Variants in BCL3 observed in about 807,000 individuals in gnomAD.
The protein encoded by BCL3 is BCL3 transcription coactivator.
In BCL3, 15 loss-of-function variants were observed where a neutral mutation model predicts 35.7. The observed-to-expected ratio is 0.42, with a 90% confidence interval of 0.28 to 0.65. The LOEUF is 0.65. Ranked by LOEUF, BCL3 falls within the 30% of genes least tolerant of loss-of-function variation. The pLI, the probability that BCL3 is intolerant of heterozygous loss-of-function variation, is 0.22. For synonymous variants in BCL3, 311 were observed against 284.3 expected (o/e 1.09, Z -0.95); for missense variants, 565 against 641.7 (o/e 0.88, Z 1.29).
intron 3 of BCL3, among the ~76,000 whole-genome samples, chr19:44,756,707 G>A (rs1431383199): frequency 1.3e-5 from 2 of 151,614 alleles, no homozygotes; most frequent in Non-Finnish European, 2.9e-5. Flanking sequence ...TCCTGGGGAA[G>A]AAGGGCTCTG....
At chr19:44,756,121 T>G (rs1016928910) in intron 2 of BCL3, 111 bp from the exon 3 acceptor site, 1 of 691,764 alleles carries the variant, frequency 1.4e-6, no homozygotes, top group Non-Finnish European at 2.1e-6. Flanking sequence ...GTTTGAATAC[T>G]GGGGACATTT....
chr19:44,758,556 G>A, intron 7 of BCL3, 143 bp downstream of exon 7: 1 of 1,301,358 alleles, frequency 7.7e-7, no homozygotes. Flanking sequence ...AAGCGCGGGT[G>A]TGAGTTCCAG....
intron 8 of BCL3, 146 bp from the exon 9 acceptor site, chr19:44,759,282 G>C (rs1379474062): frequency 5.0e-6 from 3 of 600,556 alleles, no homozygotes; most frequent in Non-Finnish European, 8.3e-6. Context: ...TCAGACCCGG[G>C]AGTTTAAATC....
Position 44,757,797 on chromosome 19 carries a change from G to C in BCL3, c.891+74G>C. 4 of 1,423,194 alleles carry C rather than the reference G, an allele frequency of 2.8e-6. No homozygotes were observed. Among genetic ancestry groups the C allele is most frequent in the Non-Finnish European group, 2.9e-6 (3 of 1,017,580 alleles). The allele number at this position is 1,423,194 out of a possible 1,614,324, so 88.2% of individuals were successfully genotyped here. A position where few individuals can be genotyped will look rare whatever the true frequency, so the allele number is the denominator to read the frequency against. The stretch of plus-strand genomic sequence containing the variant: ...AACCCGGCTCTGGCCTCAGCCCCTA[G>C]CTCTGACCCCGCCTTCCACTTCTGG... On this transcript the variant is annotated intron_variant, in intron 6 of 8. Transcript: ENST00000164227. This position sits in a 1 kb window ranked among gnomAD's most constrained non-coding sequence, Gnocchi z 8.4.
upstream of BCL3, chr19:44,748,633 G>C (rs1453802459): frequency 5.5e-5 from 52 of 938,372 alleles, no homozygotes; most frequent in Non-Finnish European, 6.7e-5. Context: ...GGTGGCCCCG[G>C]GGGGGCCGGG....
chr19:44,750,282 C>T (rs1001346837), intron 1 of BCL3, among the ~76,000 whole-genome samples: 6 of 106,558 alleles, frequency 5.6e-5, no homozygotes, highest in Non-Finnish European at 3.6e-5. Flanking sequence ...ATGGTCCCCT[C>T]GCCTTTGTTT....
At chr19:44,756,190 C>T (rs1332090262) in intron 2 of BCL3, 42 bp from the exon 3 acceptor site, 1 of 1,338,412 alleles carries the variant, frequency 7.5e-7, no homozygotes, top group Non-Finnish European at 9.8e-7. Context: ...GAGAGGTGAA[C>T]AACCCCTAAT....
At chr19:44,748,689 C>G, upstream of BCL3, 1 of 1,045,236 alleles carries the variant, frequency 9.6e-7, no homozygotes, top group Non-Finnish European at 1.1e-6. Context: ...ACAAAAGTCC[C>G]TTCAGTTCAG....
intron 1 of BCL3, among the ~76,000 whole-genome samples, chr19:44,750,559 A>T (rs1053891372): frequency 6.6e-6 from 1 of 152,132 alleles, no homozygotes; most frequent in Non-Finnish European, 1.5e-5. Context: ...TCGGCCTCCC[A>T]AAGTATTGGT....
At chr19:44,750,799 G>C (rs1257457668) in intron 1 of BCL3, among the ~76,000 whole-genome samples, 1 of 152,028 alleles carries the variant, frequency 6.6e-6, no homozygotes, top group South Asian at 2.1e-4. Flanking sequence ...AATTTGAACA[G>C]GCTTCTGGTA....
Position 44,757,745 on chromosome 19 carries a change from C to T in BCL3, c.891+22C>T, listed in dbSNP as rs1461207602. 1.2e-6 allele frequency: 2 copies of T among 1,610,552 alleles called. No individual in the cohort carries two copies. The stretch of plus-strand genomic sequence containing the variant: ...GCAGGTGCGTACAGCCCCCCTGAGC[C>T]TCGCGCCCACCCTATCCTCTGACCC... On this transcript the variant is annotated intron_variant, in intron 6 of 8. Transcript: ENST00000164227. This position sits in a 1 kb window ranked among gnomAD's most constrained non-coding sequence, Gnocchi z 8.4.
At chr19:44,755,840 C>A (rs988232065) in intron 2 of BCL3, among the ~76,000 whole-genome samples, 1 of 152,182 alleles carries the variant, frequency 6.6e-6, no homozygotes, top group African/African-American at 2.4e-5. Flanking sequence ...ATCGCTTGAA[C>A]CTGGGAGGCA....
rs1310186785 is a variant in BCL3, at chr19:44,749,049, G to A, written c.256+3G>A. ...GCCGGAGGCGCTTTACTACCCCGGT[G>A]AGTGGCCCCCGAGGGTCCGGGCCGG... On this transcript the variant is annotated splice_donor_region_variant and intron_variant, in intron 1 of 8. Coordinates refer to ENST00000164227, the MANE Select transcript of BCL3 (RefSeq NM_005178.5). The A allele has an allele frequency of 7.5e-7, 1 of 1,325,748 alleles. No individual in the cohort carries two copies. Among genetic ancestry groups the A allele is most frequent in the Admixed American group, 3.9e-5 (1 of 25,774 alleles). The allele number at this position is 1,325,748 out of a possible 1,614,324, so 82.1% of individuals were successfully genotyped here. A position where few individuals can be genotyped will look rare whatever the true frequency, so the allele number is the denominator to read the frequency against.
Position 44,757,703 on chromosome 19 carries a change from A to C in BCL3, c.871A>C (p.Met291Leu). ...IHAVENNSLSMVQLLLQHGAN... is the reference protein window; with the variant it reads ...IHAVENNSLSLVQLLLQHGAN... ...CGCCGTGGAAAACAACAGCCTTAGC[A>C]TGGTGCAGCTGCTGCTGCAGGTGCG... Residue 291 changes from methionine to leucine, a missense_variant, in exon 6 of 9, where the codon ATG becomes CTG. Physicochemically the swap from Met to Leu is conservative, Grantham distance 15. Around this residue, in one of 5 missense-constraint regions of BCL3, gnomAD observed 103 missense variants for 106.7 expected, o/e 0.97. Coordinates refer to ENST00000164227, the MANE Select transcript of BCL3 (RefSeq NM_005178.5). This position sits in a 1 kb window ranked among gnomAD's most constrained non-coding sequence, Gnocchi z 8.4. 4 of 1,613,878 alleles carry C rather than the reference A, an allele frequency of 2.5e-6. No homozygotes were observed. The highest frequency in any genetic ancestry group is 3.4e-6 in the Non-Finnish European group (4 of 1,179,882).
intron 7 of BCL3, 139 bp downstream of exon 7, chr19:44,758,552 G>A: frequency 1.5e-6 from 2 of 1,314,364 alleles, no homozygotes; most frequent in Non-Finnish European, 2.1e-6. Context: ...CTGAAAGCGC[G>A]GGTGTGAGTT....
chr19:44,749,055 C>T lies in BCL3; in HGVS notation c.256+9C>T. 1 of 1,305,058 alleles carries T rather than the reference C, an allele frequency of 7.7e-7. No homozygotes were observed. Among genetic ancestry groups the T allele is most frequent in the Non-Finnish European group, 9.8e-7 (1 of 1,020,572 alleles). 80.8% of individuals were successfully genotyped at this position (1,305,058 alleles called of 1,614,324 possible). On this transcript the variant is annotated intron_variant, in intron 1 of 8. Transcript: ENST00000164227. ...GGCGCTTTACTACCCCGGTGAGTGG[C>T]CCCCGAGGGTCCGGGCCGGGTGGGA...
At position 44,758,419 on chromosome 19, in the gene BCL3, C is replaced by T; in HGVS notation, c.1059+6C>T. ...TGGTGGCGCGCAGCCGCAGGGTGAG[C>T]CGGGGCAGCTGTGGACATGCCCCTT... On this transcript the variant is annotated splice_donor_region_variant and intron_variant, in intron 7 of 8. Transcript: ENST00000164227. The T allele has an allele frequency of 6.5e-7, 1 of 1,540,506 alleles. No homozygotes were observed. The highest frequency in any genetic ancestry group is 8.7e-7 in the Non-Finnish European group (1 of 1,143,864).
chr19:44,756,124 G>A (rs1568545165), intron 2 of BCL3, 108 bp from the exon 3 acceptor site: 1 of 711,620 alleles, frequency 1.4e-6, no homozygotes, highest in Non-Finnish European at 2.1e-6. Context: ...TGAATACTGG[G>A]GACATTTCCA....
chr19:44,759,224 C>T (rs1157829211), intron 8 of BCL3, among the ~76,000 whole-genome samples: 18 of 145,844 alleles, frequency 1.2e-4, no homozygotes, highest in Admixed American at 3.4e-4. Flanking sequence ...GACCCCCGGC[C>T]CCTCTTCCTT....
Sources: allele counts gnomAD v4.1 joint callset (sites outside exome capture counted in the v4.1 genomes callset), GRCh38; gene constraint gnomAD v4.1.1; regional missense constraint gnomAD v4.1.1; non-coding constraint Gnocchi (gnomAD v3.1); transcripts MANE v1.5; gene names NCBI Gene and HGNC (gene_info 2026-07-23, HGNC 2026-07-21).